RABEP1: variants seen among roughly 807,000 people sequenced by gnomAD.
RABEP1 encodes the protein rabaptin, RAB GTPase binding effector protein 1.
Under a neutral mutation model 123.4 loss-of-function variants are expected in RABEP1, and 51 were observed. The observed-to-expected ratio is 0.41, with a 90% CI of 0.33 to 0.52. RABEP1 has a LOEUF of 0.52. RABEP1 is among the 20% of genes least tolerant of loss of function. The pLI, the probability that RABEP1 is intolerant of heterozygous loss-of-function variation, is 0.16. For synonymous variants in RABEP1, 347 were observed against 355.2 expected (o/e 0.98, Z 0.26); for missense variants, 888 against 996.3 (o/e 0.89, Z 1.46).
chr17:5,291,377 A>G (rs1027674530), intron 1 of RABEP1, among the ~76,000 whole-genome samples: 1 of 152,052 alleles, frequency 6.6e-6, no homozygotes, highest in Admixed American at 6.5e-5. Flanking sequence ...GTGCCATTGC[A>G]CTCCAGCCCG....
chr17:5,361,050 A>G (rs1401459405), intron 8 of RABEP1, 158 bp from the exon 9 acceptor site: 2 of 679,378 alleles, frequency 2.9e-6, no homozygotes, highest in Non-Finnish European at 4.9e-6. Flanking sequence ...TGTGTCCAGC[A>G]TGTAGAAATG....
chr17:5,362,354 G>C (rs1424183393), intron 9 of RABEP1, among the ~76,000 whole-genome samples: 1 of 152,192 alleles, frequency 6.6e-6, no homozygotes, highest in African/African-American at 2.4e-5. Flanking sequence ...AAAGTGAGTT[G>C]CTCAAGTGTT....
At chr17:5,379,648 CCACT>C (rs1911288081) in intron 15 of RABEP1, among the ~76,000 whole-genome samples, 1 of 152,074 alleles carries the variant, frequency 6.6e-6, no homozygotes, top group African/African-American at 2.4e-5. Flanking sequence ...ATTCTAGCTG[CCACT>C]CTTTGAGTTC....
intron 17 of RABEP1, among the ~76,000 whole-genome samples, chr17:5,382,185 G>A (rs1293082290): frequency 1.3e-5 from 2 of 151,062 alleles, no homozygotes; most frequent in Admixed American, 6.6e-5. Flanking sequence ...GGATTCCAGC[G>A]ATTCTCCTGC....
chr17:5,283,285 A>G (rs1034326587), intron 1 of RABEP1, among the ~76,000 whole-genome samples: 2 of 152,098 alleles, frequency 1.3e-5, no homozygotes, highest in African/African-American at 2.4e-5. Context: ...GCACTACTTG[A>G]AGATATTTGC....
intron 8 of RABEP1, among the ~76,000 whole-genome samples, chr17:5,359,285 A>G (rs1909298806): frequency 6.6e-6 from 1 of 152,052 alleles, no homozygotes; most frequent in Non-Finnish European, 1.5e-5. Flanking sequence ...CATGCTAGCC[A>G]GAATGGTCTT....
At position 5,371,087 on chromosome 17, in the gene RABEP1, C is replaced by T. The variant is rs557847865; in HGVS notation, c.1885-2227C>T. Among the ~76,000 whole-genome samples the T allele has an allele frequency of 6.6e-5, 10 of 152,258 alleles. No homozygotes were observed. In the East Asian group the frequency reaches 1.9e-3, roughly 29 times the overall value. Reference sequence around the variant, plus strand: ...GCTCACGCCATTCTCCTGCCTCAGCCTCTGGAGTAGCTGGGACTACATGCG... The same window carrying T: ...GCTCACGCCATTCTCCTGCCTCAGCTTCTGGAGTAGCTGGGACTACATGCG... On this transcript the variant is annotated intron_variant, in intron 12 of 17. Transcript: ENST00000537505.
chr17:5,332,291 C>G (rs1352810807), intron 3 of RABEP1, 139 bp downstream of exon 3: 14 of 790,782 alleles, frequency 1.8e-5, no homozygotes, highest in Non-Finnish European at 2.7e-5. Flanking sequence ...GATATACTTT[C>G]AGATAAAAGA....
At position 5,346,915 on chromosome 17, in the gene RABEP1, A is replaced by G; in HGVS notation, c.774A>G (p.Glu258=). 1 of 1,603,022 alleles carries G rather than the reference A, an allele frequency of 6.2e-7. No homozygotes were observed. The highest frequency in any genetic ancestry group is 8.5e-7 in the Non-Finnish European group (1 of 1,174,118). The change falls in exon 6 of 18, where the codon GAA becomes GAG. Residue 258 remains glutamate, a synonymous_variant. Coordinates refer to ENST00000537505, the MANE Select transcript of RABEP1 (RefSeq NM_004703.6). ...LQEDAEKLRK[E]LHEVCHLLEQ... ...AAGATGCTGAGAAACTGCGGAAAGA[A>G]TTGCATGAAGGTAAATATACTGTAT...
intron 14 of RABEP1, among the ~76,000 whole-genome samples, chr17:5,377,518 AAATTT>A (rs1193122355): frequency 4.0e-5 from 5 of 125,828 alleles, no homozygotes; most frequent in Non-Finnish European, 8.9e-5. Flanking sequence ...GTTATTTAAA[AAATTT>A]TTTTTTTTTT....
chr17:5,299,128 G>T (rs567455485), intron 1 of RABEP1, among the ~76,000 whole-genome samples: 1 of 152,142 alleles, frequency 6.6e-6, no homozygotes, highest in Middle Eastern at 3.2e-3. Context: ...GTGTGTGGAG[G>T]GGGTGTGGTG....
chr17:5,371,283 C>G (rs1250908181), intron 12 of RABEP1: 9 of 152,100 alleles, frequency 5.9e-5, no homozygotes, highest in Admixed American at 5.9e-4. Context: ...CTTTATATTA[C>G]ATTTTCAGAT....
At chr17:5,322,472 CA>C (rs202176623) in intron 2 of RABEP1, among the ~76,000 whole-genome samples, 1 of 138,620 alleles carries the variant, frequency 7.2e-6, no homozygotes, top group African/African-American at 2.8e-5. Context: ...CTGGTACTTC[CA>C]AGTACATATA....
intron 7 of RABEP1, 87 bp downstream of exon 7, chr17:5,350,716 T>A: frequency 3.6e-6 from 5 of 1,382,996 alleles, no homozygotes; most frequent in Non-Finnish European, 5.0e-6. Flanking sequence ...TATTAGAGAC[T>A]GACTTAAGCT....
At chr17:5,307,362 T>C (rs1714451018) in intron 1 of RABEP1, among the ~76,000 whole-genome samples, 1 of 152,210 alleles carries the variant, frequency 6.6e-6, no homozygotes, top group South Asian at 2.1e-4. Context: ...CTGTTACTCA[T>C]AGATAAATCA....
chr17:5,374,616 T>A (rs2144717956), intron 13 of RABEP1, among the ~76,000 whole-genome samples: 1 of 151,790 alleles, frequency 6.6e-6, no homozygotes, highest in African/African-American at 2.4e-5. Flanking sequence ...TGTTTCTGTA[T>A]TTTTATTTTT....
At chr17:5,347,115 A>G (rs1908127557) in intron 6 of RABEP1, among the ~76,000 whole-genome samples, 190 bp downstream of exon 6, 1 of 152,154 alleles carries the variant, frequency 6.6e-6, no homozygotes, top group South Asian at 2.1e-4. Context: ...GCTCAGTAAT[A>G]ACTTCACAAG....
intron 2 of RABEP1, among the ~76,000 whole-genome samples, chr17:5,329,019 CTTTT>C (rs760060600): frequency 9.0e-5 from 10 of 110,658 alleles, no homozygotes; most frequent in Admixed American, 2.1e-4. Flanking sequence ...TTCAGAAAGA[CTTTT>C]TTTTTTTTTT....
chr17:5,378,302 C>G lies in RABEP1; in HGVS notation c.2271+70C>G, dbSNP rs139042717. On this transcript the variant is annotated intron_variant, in intron 15 of 17. Transcript: ENST00000537505. Reference sequence around the variant, plus strand: ...ATTTACTGACTCCTACTATGCTGCACCCAACGAATAAAAAATAGTTAAGGC... The same window carrying G: ...ATTTACTGACTCCTACTATGCTGCAGCCAACGAATAAAAAATAGTTAAGGC... The G allele has an allele frequency of 3.5e-4, 488 of 1,387,044 alleles. 1 individual carries two copies. The African/African-American group carries it at 4.4e-3, about 13-fold the overall frequency. The allele number at this position is 1,387,044 out of a possible 1,614,324, so 85.9% of individuals were successfully genotyped here.
Sources: allele counts gnomAD v4.1 joint callset (sites outside exome capture counted in the v4.1 genomes callset), GRCh38; gene constraint gnomAD v4.1.1; transcripts MANE v1.5; gene names NCBI Gene and HGNC (gene_info 2026-07-23, HGNC 2026-07-21).